HTR3A: variants seen among roughly 807,000 people sequenced by gnomAD.
The protein encoded by HTR3A is 5-hydroxytryptamine (serotonin) receptor 3A, ionotropic.
A neutral mutation model predicts 54.8 loss-of-function variants in HTR3A; 45 were observed. The observed-to-expected ratio is 0.82, with a 90% confidence interval of 0.65 to 1.05. The LOEUF is 1.05. Among genes scored for constraint, HTR3A ranks in the 50% least tolerant of loss-of-function variants. HTR3A has a pLI of 0.00. For synonymous variants in HTR3A, 297 were observed against 256.0 expected, an observed-to-expected ratio of 1.16 and a Z score of -1.53; for missense variants, 657 against 614.0, an observed-to-expected ratio of 1.07 and a Z score of -0.74.
In HTR3A at chr11:113,989,584, C is replaced by T. The variant is rs750390231; in HGVS notation, c.1258C>T (p.Gln420Ter). The change falls in exon 9 of 9, where the codon CAG (glutamine) becomes TAG (stop). Residue 420 changes from glutamine to a stop codon, truncating the protein, a stop_gained. Coordinates refer to ENST00000504030, the MANE Select transcript of HTR3A (RefSeq NM_000869.6). LOFTEE classifies it high-confidence loss of function. This position sits in a 1 kb window ranked among gnomAD's most constrained non-coding sequence, Gnocchi z 4.4. ...EASLAVCGLL[Q>*]ELSSIRQFLE... ...CTCGCTGGCGGTGTGTGGGCTGCTG[C>T]AGGAGCTGTCCTCCATCCGGCAATT... The T allele has an allele frequency of 6.2e-7, 1 of 1,614,198 alleles. No homozygotes were observed.
In HTR3A at chr11:113,979,973, T is replaced by A. The variant is rs539831409; in HGVS notation, c.264+696T>A. Among the ~76,000 whole-genome samples the A allele has an allele frequency of 2.0e-5, 3 of 152,114 alleles. No homozygotes were observed. In the South Asian group the frequency reaches 6.2e-4, roughly 32 times the overall value. ...TGGGGACATGCTTGGCATAAGTGGG[T>A]CTCTGTTATCCCTCCCCATGGCTCA... On this transcript the variant is annotated intron_variant, in intron 3 of 8. Coordinates refer to ENST00000504030, the MANE Select transcript of HTR3A (RefSeq NM_000869.6).
intron 5 of HTR3A, among the ~76,000 whole-genome samples, chr11:113,985,352 T>C (rs1258301634): frequency 1.3e-5 from 2 of 152,238 alleles, no homozygotes; most frequent in Non-Finnish European, 2.9e-5. Context: ...TGCTATAAAA[T>C]AGCTCATGAT....
At chr11:113,978,280 C>A (rs56798091) in intron 2 of HTR3A, among the ~76,000 whole-genome samples, 10,709 of 152,194 alleles carry the variant, frequency 0.07, 819 homozygotes, top group East Asian at 0.18. Flanking sequence ...TGGTACCTGG[C>A]AGGTGTCACT....
chr11:113,983,174 C>A lies in HTR3A; in HGVS notation c.429C>A (p.Gly143=), dbSNP rs573001897. Reference sequence around the variant, plus strand: ...CGTACGTGTATATTCGGCATCAAGGCGAAGTTCAGAACTACAAGCCCCTTC... The same window carrying A: ...CGTACGTGTATATTCGGCATCAAGGAGAAGTTCAGAACTACAAGCCCCTTC... ...NIPYVYIRHQ[G]EVQNYKPLQV... The change falls in exon 5 of 9, where the codon GGC becomes GGA. Residue 143 remains glycine, a synonymous_variant. Transcript: ENST00000504030. 1.9e-6 allele frequency: 3 copies of A among 1,614,210 alleles called. No homozygotes were observed. In the East Asian group the frequency reaches 6.7e-5, roughly 36 times the overall value.
At position 113,989,401 on chromosome 11, in the gene HTR3A, G is replaced by T. The variant is rs925375671; in HGVS notation, c.1139-64G>T. The T allele has an allele frequency of 6.3e-7, 1 of 1,575,842 alleles. No homozygotes were observed. The highest frequency in any genetic ancestry group is 1.1e-5 in the South Asian group (1 of 90,226). On this transcript the variant is annotated intron_variant, in intron 8 of 8. Coordinates refer to ENST00000504030, the MANE Select transcript of HTR3A (RefSeq NM_000869.6). The surrounding 1 kb of genome is among the most constrained non-coding windows in gnomAD (Gnocchi z 4.4). The stretch of plus-strand genomic sequence containing the variant: ...AAATTTACAGGCTATAGAAGCATAA[G>T]GAACCATGTTCAGGTCACCACCCGG...
rs746623717 is a variant in HTR3A, at chr11:113,986,921, C to A, written c.1013C>A (p.Pro338His). Residue 338 changes from proline (P) to histidine (H), a missense_variant, in exon 8 of 9, where the codon CCC (proline) becomes CAC (histidine). Coordinates refer to ENST00000504030, the MANE Select transcript of HTR3A (RefSeq NM_000869.6). ...RLVHKQDLQQ[P>H]VPAWLRHLVL... Reference sequence around the variant, plus strand: ...GTGCACAAGCAAGACCTGCAGCAGCCCGTGCCTGCTTGGCTGCGTCACCTG... The same window carrying A: ...GTGCACAAGCAAGACCTGCAGCAGCACGTGCCTGCTTGGCTGCGTCACCTG... The A allele has an allele frequency of 3.7e-6, 6 of 1,614,050 alleles. No homozygotes were observed. The African/African-American group carries it at 8.0e-5, about 22-fold the overall frequency.
At chr11:113,976,182 C>T (rs11604247) in intron 1 of HTR3A, among the ~76,000 whole-genome samples, 19,546 of 152,140 alleles carry the variant, frequency 0.13, 1,529 homozygotes, top group Admixed American at 0.2. Context: ...GTAAGATGTC[C>T]TTCCTCCCGG....
Position 113,975,171 on chromosome 11 carries a change from C to T in HTR3A, c.-155C>T. ...TTGGCAGCTCCCCAACCTTGGTGGC[C>T]CAGGGAGTGTGAGGCTGCAGCCTCA... On this transcript the variant is annotated 5_prime_UTR_variant, in exon 1 of 9. Transcript: ENST00000504030. 1 of 735,778 alleles carries T rather than the reference C, an allele frequency of 1.4e-6. No individual in the cohort carries two copies. 45.6% of individuals were successfully genotyped at this position (735,778 alleles called of 1,614,324 possible). A position where few individuals can be genotyped will look rare whatever the true frequency, so the allele number is the denominator to read the frequency against.
chr11:113,983,300 G>T lies in HTR3A; in HGVS notation c.544+11G>T, dbSNP rs756261212. 2.2e-5 allele frequency: 36 copies of T among 1,613,362 alleles called. No individual in the cohort carries two copies. The South Asian group carries it at 3.8e-4, about 17-fold the overall frequency. ...GTTGGCTGCACACCAGTGAGTATGT[G>T]GGCTTCGCCGGGACAGGGGTGGAGG... On this transcript the variant is annotated intron_variant, in intron 5 of 8. Transcript: ENST00000504030.
chr11:113,980,930 G>A (rs564844249), intron 3 of HTR3A: 92 of 471,628 alleles, frequency 2.0e-4, no homozygotes, highest in East Asian at 4.0e-5. Flanking sequence ...CTCAGCTGGC[G>A]GAGGGGGAAC....
intron 3 of HTR3A, 59 bp downstream of exon 3, chr11:113,979,336 A>C: frequency 7.1e-7 from 1 of 1,407,172 alleles, no homozygotes; most frequent in Non-Finnish European, 1.0e-6. Flanking sequence ...GGAGTCGGGA[A>C]TTCGGGAGTT....
Position 113,976,899 on chromosome 11 carries a change from C to T in HTR3A, c.68-872C>T, listed in dbSNP as rs537432066. ...TTTCACTTTTGCATGTCAGGCCACC[C>T]TTCTGGAAGTGCTCCTGCTGCTTCC... On this transcript the variant is annotated intron_variant, in intron 1 of 8. Transcript: ENST00000504030. 6.1e-4 allele frequency among the ~76,000 whole-genome samples: 92 copies of T among 151,944 alleles called. 1 individual carries two copies. Among genetic ancestry groups the T allele is most frequent in the East Asian group, 1.7e-3 (9 of 5,148 alleles).
intron 2 of HTR3A, among the ~76,000 whole-genome samples, chr11:113,978,561 G>A (rs369162522): frequency 1.3e-5 from 2 of 152,180 alleles, no homozygotes; most frequent in East Asian, 3.9e-4. Context: ...AGTAGAGACA[G>A]GGTTTTTCCA....
intron 5 of HTR3A, among the ~76,000 whole-genome samples, chr11:113,984,682 G>T (rs573558114): frequency 6.6e-6 from 1 of 152,250 alleles, no homozygotes; most frequent in Non-Finnish European, 1.5e-5. Flanking sequence ...ACTTTGGGAG[G>T]CGTAGGCAGG....
At chr11:113,981,111 C>T (rs945908825) in intron 3 of HTR3A, 92 bp from the exon 4 acceptor site, 8 of 796,706 alleles carry the variant, frequency 1.0e-5, no homozygotes, top group Non-Finnish European at 1.8e-5. Context: ...CACCTGTTGC[C>T]TGGGCACTGA....
chr11:113,977,878 A>G lies in HTR3A; in HGVS notation c.175A>G (p.Thr59Ala). The G allele has an allele frequency of 6.2e-7, 1 of 1,614,190 alleles. No individual in the cohort carries two copies. Among genetic ancestry groups the G allele is most frequent in the Non-Finnish European group, 8.5e-7 (1 of 1,180,038 alleles). The change falls in exon 2 of 9, where the codon ACC becomes GCC. Residue 59 changes from threonine to alanine, a missense_variant. Thr to Ala is a moderately conservative substitution (Grantham distance 58). Transcript: ENST00000504030. Reference sequence around the variant, plus strand: ...CCCCGTGAGGGACTGGAGGAAGCCAACCACCGTATCCATTGACGTCATTGT... The same window carrying G: ...CCCCGTGAGGGACTGGAGGAAGCCAGCCACCGTATCCATTGACGTCATTGT... ...VRPVRDWRKP[T>A]TVSIDVIVYA...
At position 113,975,290 on chromosome 11, in the gene HTR3A, G is replaced by A. The variant is rs1950338796; in HGVS notation, c.-36G>A. ...TGGCCCTTGGTGGGCCTCGTCCTGA[G>A]CACTCGGAGGCACTCCTATGCTTGG... On this transcript the variant is annotated 5_prime_UTR_variant, in exon 1 of 9. Transcript: ENST00000504030. 1 of 1,611,310 alleles carries A rather than the reference G, an allele frequency of 6.2e-7. No homozygotes were observed. Among genetic ancestry groups the A allele is most frequent in the African/African-American group, 1.3e-5 (1 of 75,060 alleles).
chr11:113,977,509 G>T (rs1003815631), intron 1 of HTR3A: 7 of 1,550,418 alleles, frequency 4.5e-6, no homozygotes, highest in African/African-American at 1.4e-5. Context: ...CAGCTGTCTT[G>T]TGCCACTTGC....
rs11214792 is a variant in HTR3A at position 113,978,841 on chromosome 11, T to C, written c.220-392T>C. Among the ~76,000 whole-genome samples the C allele has an allele frequency of 3.3e-3, 503 of 152,082 alleles. 1 individual carries two copies. Among genetic ancestry groups the C allele is most frequent in the Admixed American group, 6.9e-3 (106 of 15,274 alleles). ...GCATTTCTACTAAAAATGCAAAAAT[T>C]AGTCGGGCATGGTGGCACACACCTG... On this transcript the variant is annotated intron_variant, in intron 2 of 8. Coordinates refer to ENST00000504030, the MANE Select transcript of HTR3A (RefSeq NM_000869.6).
Sources: allele counts gnomAD v4.1 joint callset (sites outside exome capture counted in the v4.1 genomes callset), GRCh38; gene constraint gnomAD v4.1.1; non-coding constraint Gnocchi (gnomAD v3.1); transcripts MANE v1.5; gene names NCBI Gene and HGNC (gene_info 2026-07-23, HGNC 2026-07-21).